Variants in HDAC9 observed in about 807,000 individuals in gnomAD.
HDAC9 encodes the protein MEF-2 interacting transcription repressor (MITR) protein.
A neutral mutation model predicts 139.4 loss-of-function variants in HDAC9; 41 were observed. That is an observed-to-expected ratio of 0.29 (90% CI 0.23 to 0.38). The LOEUF (loss-of-function observed/expected upper bound fraction) is 0.38. HDAC9 is among the 10% of genes least tolerant of loss of function. HDAC9 has a pLI of 1.00. For synonymous variants in HDAC9, 517 were observed against 476.2 expected (o/e 1.09, Z -1.12); for missense variants, 1,147 against 1,297.0 (o/e 0.88, Z 1.78).
At chr7:18,789,273 C>T (rs1792088565) in intron 16 of HDAC9, among the ~76,000 whole-genome samples, 1 of 134,596 alleles carries the variant, frequency 7.4e-6, no homozygotes. Context: ...AATGCACACG[C>T]AGACACATAC....
intron 2 of HDAC9, among the ~76,000 whole-genome samples, chr7:18,529,193 A>C (rs1808002403): frequency 1.3e-5 from 2 of 152,196 alleles, no homozygotes; most frequent in Non-Finnish European, 2.9e-5. Context: ...AGAAAAAAAA[A>C]ATCTTTTGAA....
intron 1 of HDAC9, among the ~76,000 whole-genome samples, chr7:18,089,676 A>C (rs1414200626): frequency 1.3e-5 from 2 of 151,964 alleles, no homozygotes; most frequent in South Asian, 4.2e-4. Flanking sequence ...TCTTTTTTGA[A>C]TTTGTTTAAA....
intron 17 of HDAC9, among the ~76,000 whole-genome samples, chr7:18,807,219 G>T (rs1005959330): frequency 5.9e-5 from 9 of 152,032 alleles, no homozygotes; most frequent in Non-Finnish European, 1.0e-4. Flanking sequence ...GTGTCTGTAG[G>T]TTATCCAATT....
At position 18,100,333 on chromosome 7, in the gene HDAC9, G is replaced by T. The variant is rs115716086; in HGVS notation, c.-97+13120G>T. On this transcript the variant is annotated intron_variant, in intron 1 of 12. Coordinates refer to the HDAC9 transcript ENST00000417496. ...GTTCATTGAGCTTCTTGGGCCTGAG[G>T]GTTAATAGTTTCCATCAAATTTGAA... is the stretch of plus-strand genomic sequence containing the variant. Among the ~76,000 whole-genome samples, 708 of 151,674 alleles carry T rather than the reference G, an allele frequency of 4.7e-3. 12 individuals carry two copies. Among genetic ancestry groups the T allele is most frequent in the African/African-American group, 0.017 (690 of 41,368 alleles).
At chr7:18,812,005 A>G (rs76075203) in intron 17 of HDAC9, among the ~76,000 whole-genome samples, 5,003 of 151,964 alleles carry the variant, frequency 0.033, 285 homozygotes, top group African/African-American at 0.11. Flanking sequence ...AGCTTATGCA[A>G]TCCTCCGTAT....
chr7:18,905,777 C>T (rs1802179460), intron 22 of HDAC9, among the ~76,000 whole-genome samples: 1 of 152,144 alleles, frequency 6.6e-6, no homozygotes, highest in Non-Finnish European at 1.5e-5. Flanking sequence ...AACCTCTTAA[C>T]ATATTACTTA....
rs1419315477 is a variant in HDAC9, at chr7:18,999,424, C to G, written c.*3362C>G. 6.6e-6 allele frequency: 1 copy of G among 152,144 alleles called. No homozygotes were observed. Among genetic ancestry groups the G allele is most frequent in the African/African-American group, 2.4e-5 (1 of 41,418 alleles). 9.4% of individuals were successfully genotyped at this position (152,144 alleles called of 1,614,324 possible). On this transcript the variant is annotated 3_prime_UTR_variant, in exon 26 of 26. Transcript: ENST00000686413. ...AATAGAATGATCATTTGGAAAGTCT[C>G]CTGGGAAAAAATTCCTCTTCAATCA...
At chr7:18,105,913 G>A (rs1348520123) in intron 1 of HDAC9, among the ~76,000 whole-genome samples, 2 of 152,182 alleles carry the variant, frequency 1.3e-5, no homozygotes, top group African/African-American at 4.8e-5. Context: ...GAATGAAGCA[G>A]TGATTTATGC....
At chr7:18,381,854 T>G (rs954232855) in intron 1 of HDAC9, among the ~76,000 whole-genome samples, 1 of 152,196 alleles carries the variant, frequency 6.6e-6, no homozygotes, top group Non-Finnish European at 1.5e-5. Flanking sequence ...TCTTACTTTT[T>G]TTGTTGTTGC....
At chr7:18,478,842 G>T (rs1208816913) in intron 1 of HDAC9, among the ~76,000 whole-genome samples, 1 of 152,060 alleles carries the variant, frequency 6.6e-6, no homozygotes, top group African/African-American at 2.4e-5. Flanking sequence ...GTTTAAAATG[G>T]TGTCTCATTT....
At chr7:18,647,699 G>A in intron 9 of HDAC9, 86 bp from the exon 10 acceptor site, 1 of 1,161,710 alleles carries the variant, frequency 8.6e-7, no homozygotes. Flanking sequence ...GGAAGCTACA[G>A]CATAGGAAAC....
At chr7:18,474,979 T>G (rs897968311) in intron 1 of HDAC9, among the ~76,000 whole-genome samples, 5 of 152,170 alleles carry the variant, frequency 3.3e-5, no homozygotes, top group African/African-American at 1.2e-4. Context: ...AAAATGTAAT[T>G]GAAAGATAGT....
At chr7:18,817,770 A>T (rs114942680) in intron 17 of HDAC9, among the ~76,000 whole-genome samples, 12 of 152,324 alleles carry the variant, frequency 7.9e-5, no homozygotes, top group African/African-American at 2.9e-4. Flanking sequence ...GTACTATCCC[A>T]GCATAGTCAT....
At chr7:18,401,406 G>C (rs781270343) in intron 1 of HDAC9, among the ~76,000 whole-genome samples, 1 of 152,308 alleles carries the variant, frequency 6.6e-6, no homozygotes, top group African/African-American at 2.4e-5. Context: ...GGCTATGCTG[G>C]TGGTTGGGGT....
intron 2 of HDAC9, among the ~76,000 whole-genome samples, chr7:18,266,672 A>T (rs1283268751): frequency 6.6e-6 from 1 of 152,180 alleles, no homozygotes; most frequent in African/African-American, 2.4e-5. Flanking sequence ...GTGGGGGTAC[A>T]GTTTTAAGGG....
At chr7:18,676,742 AAT>A (rs1781538017) in intron 12 of HDAC9, among the ~76,000 whole-genome samples, 1 of 151,860 alleles carries the variant, frequency 6.6e-6, no homozygotes, top group African/African-American at 2.4e-5. Flanking sequence ...CAAATCTTAA[AAT>A]GTATATATTT....
chr7:18,888,285 C>T (rs929589902), intron 22 of HDAC9, among the ~76,000 whole-genome samples: 13 of 152,100 alleles, frequency 8.5e-5, no homozygotes, highest in Non-Finnish European at 1.3e-4. Context: ...ATTAGCCAGG[C>T]GTGGTGGCGG....
At chr7:18,094,473 C>G (rs1782372678) in intron 1 of HDAC9, among the ~76,000 whole-genome samples, 1 of 146,948 alleles carries the variant, frequency 6.8e-6, no homozygotes, top group South Asian at 2.2e-4. Context: ...CAGGGTCTTG[C>G]TCTACTCCCA....
intron 2 of HDAC9, among the ~76,000 whole-genome samples, chr7:18,261,835 G>A (rs1562807255): frequency 2.0e-5 from 3 of 152,196 alleles, no homozygotes; most frequent in Non-Finnish European, 2.9e-5. Flanking sequence ...AAGATTTCGT[G>A]TGTGCATTGT....
Sources: allele counts gnomAD v4.1 joint callset (sites outside exome capture counted in the v4.1 genomes callset), GRCh38; gene constraint gnomAD v4.1.1; transcripts MANE v1.5; gene names NCBI Gene and HGNC (gene_info 2026-07-23, HGNC 2026-07-21).